CENPM: variants seen among roughly 807,000 people sequenced by gnomAD.
CENPM encodes the protein centromere protein M.
In CENPM, 14 loss-of-function variants were observed where a neutral mutation model predicts 19.6. The observed-to-expected ratio is 0.71, with a 90% CI of 0.47 to 1.11. The LOEUF (loss-of-function observed/expected upper bound fraction) is 1.11, where lower values mean the gene tolerates loss of function less well. Among genes scored for constraint, CENPM ranks in the 50% most tolerant of loss-of-function variants. The pLI is 0.00. For missense variants in CENPM, 239 were observed against 228.4 expected (o/e 1.05, Z -0.30); for synonymous variants, 114 against 101.5 (o/e 1.12, Z -0.74).
At chr22:41,931,189 C>T in the CENPM span, among the ~76,000 whole-genome samples, 3 of 149,878 alleles carry the variant, frequency 2.0e-5, no homozygotes, top group African/African-American at 2.4e-5. Flanking sequence ...ATAATTTGGG[C>T]CTGGTGTGGT....
chr22:41,928,290 T>G, the CENPM span: 2 of 183,574 alleles, frequency 1.1e-5, no homozygotes, highest in Non-Finnish European at 2.4e-5. The surrounding 1 kb of genome is among the most constrained non-coding windows in gnomAD (Gnocchi z 4.0). Flanking sequence ...GCCCCTCCTG[T>G]CTATCTCTGC....
chr22:41,927,984 T>C, the CENPM span, among the ~76,000 whole-genome samples: 1 of 152,278 alleles, frequency 6.6e-6, no homozygotes, highest in Non-Finnish European at 1.5e-5. Flanking sequence ...GACTGAGGTC[T>C]AGGGAGCAGA....
chr22:41,945,816 A>G, intron 3 of CENPM, 97 bp downstream of exon 3: 1 of 952,820 alleles, frequency 1.0e-6, no homozygotes, highest in Non-Finnish European at 1.6e-6. Context: ...AGCCTCTCCC[A>G]TCCTCACCAC....
At chr22:41,937,047 C>T (rs2077686993), downstream of CENPM, among the ~76,000 whole-genome samples, 1 of 152,176 alleles carries the variant, frequency 6.6e-6, no homozygotes, top group Non-Finnish European at 1.5e-5. Context: ...CTGGCACATG[C>T]AGGGTGAATG....
At position 41,938,766 on chromosome 22, in the gene CENPM, CT is replaced by C; in HGVS notation, c.*289del. On this transcript the variant is annotated 3_prime_UTR_variant, in exon 6 of 6. Transcript: ENST00000215980. Reference sequence around the variant, plus strand: ...TTTTAAACTTTTTTTAGCCACAGACCTTTTGTTCAAAGGAAACCTTAAATGG... The same window carrying C: ...TTTTAAACTTTTTTTAGCCACAGACCTTTGTTCAAAGGAAACCTTAAATGG... The C allele has an allele frequency of 2.8e-6, 1 of 360,528 alleles. No homozygotes were observed. Among genetic ancestry groups the C allele is most frequent in the Non-Finnish European group, 5.0e-6 (1 of 199,192 alleles). 22.3% of individuals were successfully genotyped at this position (360,528 alleles called of 1,614,324 possible). A position where few individuals can be genotyped will look rare whatever the true frequency, so the allele number is the denominator to read the frequency against.
downstream of CENPM, among the ~76,000 whole-genome samples, chr22:41,938,039 T>C (rs2077691566): frequency 6.6e-6 from 1 of 151,660 alleles, no homozygotes; most frequent in African/African-American, 2.4e-5. Flanking sequence ...AGAGGCAGAG[T>C]TTCACTGTTA....
At chr22:41,945,797 A>G in intron 3 of CENPM, 116 bp downstream of exon 3, 9 of 759,784 alleles carry the variant, frequency 1.2e-5, no homozygotes, top group South Asian at 1.1e-4. Flanking sequence ...TTACAGATTG[A>G]CCTCAGCCAG....
chr22:41,930,758 G>A, the CENPM span, among the ~76,000 whole-genome samples: 1 of 151,498 alleles, frequency 6.6e-6, no homozygotes, highest in African/African-American at 2.4e-5. Context: ...GACCTCAGGT[G>A]ATCTGCCCAC....
At chr22:41,931,491 AAAT>A in the CENPM span, among the ~76,000 whole-genome samples, 17 of 148,250 alleles carry the variant, frequency 1.1e-4, no homozygotes, top group Non-Finnish European at 1.9e-4. Flanking sequence ...GAAAAAAAAA[AAAT>A]AATAATAAAA....
intron 5 of CENPM, chr22:41,940,123 G>GGCCT (rs767961795): frequency 1.0e-5 from 8 of 766,718 alleles, no homozygotes; most frequent in Admixed American, 1.8e-5. Flanking sequence ...CAGCCACCCA[G>GGCCT]GCCTGCCTGC....
At position 41,939,124 on chromosome 22, in the gene CENPM, C is replaced by T. The variant is rs774792724; in HGVS notation, c.475G>A (p.Gly159Ser). 2.7e-5 allele frequency: 43 copies of T among 1,612,830 alleles called. No homozygotes were observed. The Admixed American group carries it at 3.3e-4, about 13-fold the overall frequency. ...GACAGCAGGTTCAGAGCTGAGACAC[C>T]GGGCACGTGGCCAGCACAGATCTGC... ...VLQICAGHVP[G>S]VSALNLLSLL... is the part of the protein sequence containing the mutation. Residue 159 changes from glycine to serine, a missense_variant, in exon 6 of 6, where the codon GGT becomes AGT. Transcript: ENST00000215980.
At chr22:41,927,625 G>A in the CENPM span, among the ~76,000 whole-genome samples, 21 of 148,104 alleles carry the variant, frequency 1.4e-4, no homozygotes, top group African/African-American at 4.0e-4. Flanking sequence ...TCAGCCTCCC[G>A]AGTAACTGGG....
intron 1 of CENPM, 137 bp downstream of exon 1, chr22:41,946,883 T>A: frequency 1.2e-6 from 1 of 837,688 alleles, no homozygotes; most frequent in Admixed American, 2.1e-5. Context: ...GTTCAGAGCA[T>A]GGCTCTCCGC....
chr22:41,935,498 G>T (rs555136351), downstream of CENPM, among the ~76,000 whole-genome samples: 1 of 152,184 alleles, frequency 6.6e-6, no homozygotes, highest in African/African-American at 2.4e-5. Flanking sequence ...CTCTGGGAAG[G>T]CTGGCCTTCC....
Position 41,947,092 on chromosome 22 carries a change from A to T in CENPM, c.-16T>A, listed in dbSNP as rs1364943215. 1 of 1,612,568 alleles carries T rather than the reference A, an allele frequency of 6.2e-7. No homozygotes were observed. Among genetic ancestry groups the T allele is most frequent in the Non-Finnish European group, 8.5e-7 (1 of 1,179,702 alleles). On this transcript the variant is annotated 5_prime_UTR_variant, in exon 1 of 6. Coordinates refer to ENST00000215980, the MANE Select transcript of CENPM (RefSeq NM_024053.5). ...ACACCGACATCACAGCCGCAGGACCAACCGTTGCTCCTGCGGTGCGCGCCG... is the reference window on the plus strand; with the variant it reads ...ACACCGACATCACAGCCGCAGGACCTACCGTTGCTCCTGCGGTGCGCGCCG...
chr22:41,947,088 GACCA>G lies in CENPM; in HGVS notation c.-16_-13del, dbSNP rs748829544. 2 of 1,612,690 alleles carry G rather than the reference GACCA, an allele frequency of 1.2e-6. No homozygotes were observed. The highest frequency in any genetic ancestry group is 3.3e-5 in the Admixed American group (2 of 60,000). ...CTCAACACCGACATCACAGCCGCAG[GACCA>G]ACCGTTGCTCCTGCGGTGCGCGCCG... On this transcript the variant is annotated 5_prime_UTR_variant, in exon 1 of 6. Coordinates refer to ENST00000215980, the MANE Select transcript of CENPM (RefSeq NM_024053.5).
chr22:41,938,441 C>T (rs1378951926), downstream of CENPM, among the ~76,000 whole-genome samples: 1 of 145,924 alleles, frequency 6.9e-6, no homozygotes, highest in African/African-American at 2.6e-5. Flanking sequence ...TCTCAGCTCA[C>T]TGCAACCTCC....
intron 1 of CENPM, chr22:41,946,723 C>G (rs947799949): frequency 6.7e-6 from 4 of 594,486 alleles, no homozygotes; most frequent in Non-Finnish European, 1.2e-5. Flanking sequence ...CCCTCGCTCC[C>G]ACCGCCGGCC....
chr22:41,947,058 G>C lies in CENPM; in HGVS notation c.19C>G (p.Leu7Val). ...GTGTTCAGGCCGGGCAGCTTGTCCA[G>C]GGGCCTCAACACCGACATCACAGCC... MSVLRP[L>V]DKLPGLNTAT... Residue 7 changes from leucine to valine, a missense_variant, in exon 1 of 6, where the codon CTG (leucine) becomes GTG (valine). Physicochemically the swap from Leu to Val is conservative, Grantham distance 32. Coordinates refer to ENST00000215980, the MANE Select transcript of CENPM (RefSeq NM_024053.5). The C allele has an allele frequency of 6.2e-7, 1 of 1,612,944 alleles. No homozygotes were observed. The highest frequency in any genetic ancestry group is 8.5e-7 in the Non-Finnish European group (1 of 1,179,922).
Sources: gnomAD v4.1 joint callset for allele counts (sites outside exome capture counted in the v4.1 genomes callset) on GRCh38, gnomAD v4.1.1 for gene constraint, Gnocchi (gnomAD v3.1) non-coding constraint, MANE v1.5 for transcripts, NCBI Gene and HGNC (gene_info 2026-07-23, HGNC 2026-07-21) for gene names.